The following CFDP1 variants were observed in gnomAD, a reference collection of about 807,000 sequenced individuals.
CFDP1 encodes heterochromatin-stabilizing protein CFDP1.
Under a neutral mutation model 40.1 loss-of-function variants are expected in CFDP1, and 31 were observed. That is an observed-to-expected ratio of 0.77 (90% CI 0.58 to 1.04). The LOEUF is 1.04. Among genes scored for constraint, CFDP1 ranks in the 50% least tolerant of loss-of-function variants. The pLI, the probability that CFDP1 is intolerant of heterozygous loss-of-function variation, is 0.00. For missense variants in CFDP1, 423 were observed against 343.4 expected, an observed-to-expected ratio of 1.23 and a Z score of -1.83; for synonymous variants, 167 against 120.0, an observed-to-expected ratio of 1.39 and a Z score of -2.56.
chr16:75,315,993 T>A (rs1257979410), intron 5 of CFDP1, among the ~76,000 whole-genome samples: 1 of 152,188 alleles, frequency 6.6e-6, no homozygotes, highest in African/African-American at 2.4e-5. Context: ...TTGTTTTGAT[T>A]TTTGGTCTTC....
intron 6 of CFDP1, among the ~76,000 whole-genome samples, chr16:75,297,276 TC>T (rs1227781673): frequency 6.6e-6 from 1 of 151,700 alleles, no homozygotes; most frequent in Non-Finnish European, 1.5e-5. Flanking sequence ...CGCCTCAGCC[TC>T]CCGAAGTGCT....
At chr16:75,433,178 G>C (rs1455306628) in intron 1 of CFDP1, 111 bp downstream of exon 1, 26 of 953,954 alleles carry the variant, frequency 2.7e-5, no homozygotes, top group Non-Finnish European at 4.1e-5. Context: ...GAGAACAGGA[G>C]CCCCCCTGGA....
chr16:75,419,482 C>G (rs1381012719), intron 1 of CFDP1, among the ~76,000 whole-genome samples: 1 of 152,102 alleles, frequency 6.6e-6, no homozygotes, highest in Non-Finnish European at 1.5e-5. Flanking sequence ...GTAGTTTAGG[C>G]AAGGGTTATT....
intron 4 of CFDP1, among the ~76,000 whole-genome samples, chr16:75,397,599 G>A (rs752584051): frequency 1.3e-5 from 2 of 151,902 alleles, no homozygotes; most frequent in Non-Finnish European, 2.9e-5. Context: ...TCAGGAGTTC[G>A]AGACCAGCCA....
chr16:75,431,563 G>A (rs1490405356), intron 1 of CFDP1, among the ~76,000 whole-genome samples: 1 of 151,854 alleles, frequency 6.6e-6, no homozygotes, highest in Non-Finnish European at 1.5e-5. Flanking sequence ...TGCTTGAACC[G>A]GGAAGGCAGA....
chr16:75,369,349 G>GACTA (rs2078736498), intron 5 of CFDP1, among the ~76,000 whole-genome samples: 1 of 149,436 alleles, frequency 6.7e-6, no homozygotes, highest in Non-Finnish European at 1.5e-5. Flanking sequence ...AGGAGTTCAA[G>GACTA]ACTAGCCTTA....
At chr16:75,407,172 A>C (rs191319897) in intron 4 of CFDP1, among the ~76,000 whole-genome samples, 6 of 152,164 alleles carry the variant, frequency 3.9e-5, no homozygotes, top group African/African-American at 1.2e-4. Context: ...GCACAACCAC[A>C]CTCCAACCCG....
At chr16:75,404,544 T>C (rs1174747341) in intron 4 of CFDP1, among the ~76,000 whole-genome samples, 1 of 152,130 alleles carries the variant, frequency 6.6e-6, no homozygotes, top group African/African-American at 2.4e-5. Flanking sequence ...CTTAAGATAC[T>C]GGTGGCCTAA....
At chr16:75,393,142 A>T (rs374071274) in intron 5 of CFDP1, among the ~76,000 whole-genome samples, 12 of 152,266 alleles carry the variant, frequency 7.9e-5, no homozygotes, top group African/African-American at 2.4e-4. Context: ...TCCGATGGGC[A>T]CTGGAGGCTA....
At chr16:75,401,770 G>A (rs2079056709) in intron 4 of CFDP1, among the ~76,000 whole-genome samples, 2 of 151,524 alleles carry the variant, frequency 1.3e-5, no homozygotes, top group South Asian at 2.1e-4. Flanking sequence ...TGACAAGCCT[G>A]GAAAGAGTCA....
At chr16:75,370,383 A>G (rs1050271187) in intron 5 of CFDP1, among the ~76,000 whole-genome samples, 1 of 152,002 alleles carries the variant, frequency 6.6e-6, no homozygotes, top group Non-Finnish European at 1.5e-5. Context: ...GTGAGCCACC[A>G]CGCTCGGCCA....
At chr16:75,425,521 G>A (rs983077990) in intron 1 of CFDP1, among the ~76,000 whole-genome samples, 1 of 151,650 alleles carries the variant, frequency 6.6e-6, no homozygotes, top group African/African-American at 2.4e-5. Flanking sequence ...AACAGTAAAT[G>A]AAACTGTGGA....
At chr16:75,407,954 A>G (rs938410283) in intron 4 of CFDP1, among the ~76,000 whole-genome samples, 16 of 152,062 alleles carry the variant, frequency 1.1e-4, no homozygotes, top group Non-Finnish European at 2.4e-4. Context: ...AAAAAATACA[A>G]AAATTAGCCA....
At chr16:75,344,790 G>A (rs1286346165) in intron 5 of CFDP1, among the ~76,000 whole-genome samples, 1 of 151,968 alleles carries the variant, frequency 6.6e-6, no homozygotes, top group Non-Finnish European at 1.5e-5. Flanking sequence ...AAATTAGCTG[G>A]GCATGGTGGT....
intron 2 of CFDP1, among the ~76,000 whole-genome samples, chr16:75,412,996 T>G (rs1209648257): frequency 1.3e-5 from 2 of 150,394 alleles, no homozygotes; most frequent in Non-Finnish European, 2.9e-5. Context: ...AAAATCAAAG[T>G]ATAGCGTTCT....
At chr16:75,326,203 G>A (rs1311114707) in intron 5 of CFDP1, among the ~76,000 whole-genome samples, 1 of 152,172 alleles carries the variant, frequency 6.6e-6, no homozygotes, top group Non-Finnish European at 1.5e-5. Context: ...TGCCAAATGA[G>A]TTTTTCCCCT....
At chr16:75,335,169 G>GT (rs1258390704) in intron 5 of CFDP1, among the ~76,000 whole-genome samples, 4 of 152,168 alleles carry the variant, frequency 2.6e-5, no homozygotes, top group African/African-American at 9.7e-5. Flanking sequence ...CATAAATGTG[G>GT]TAAGTTCCCC....
At chr16:75,408,744 T>C (rs569151026) in intron 4 of CFDP1, among the ~76,000 whole-genome samples, 1 of 151,928 alleles carries the variant, frequency 6.6e-6, no homozygotes, top group African/African-American at 2.4e-5. Flanking sequence ...CACTGTACTC[T>C]AGCCTCGGCA....
chr16:75,384,295 T>C (rs974791823), intron 5 of CFDP1, among the ~76,000 whole-genome samples: 40 of 152,060 alleles, frequency 2.6e-4, no homozygotes, highest in African/African-American at 8.9e-4. Flanking sequence ...AGGTGGAGGT[T>C]GCAGTGAGCC....
Sources: allele counts gnomAD v4.1 joint callset (sites outside exome capture counted in the v4.1 genomes callset), GRCh38; gene constraint gnomAD v4.1.1; transcripts MANE v1.5; gene names NCBI Gene and HGNC (gene_info 2026-07-23, HGNC 2026-07-21).